Variants in FHL2 observed in about 807,000 individuals in gnomAD.
FHL2 encodes four and a half LIM domains protein 2.
A neutral mutation model predicts 32.7 loss-of-function variants in FHL2; 20 were observed. The ratio of observed to expected loss-of-function variants is 0.61; its 90% CI spans 0.43 to 0.89. The LOEUF is 0.89. Ranked by LOEUF, FHL2 falls within the 40% of genes least tolerant of loss-of-function variation. The probability of loss-of-function intolerance (pLI) is 0.00; values close to 1 mark genes in which losing one functional copy is unlikely to be tolerated. For synonymous variants in FHL2, 123 were observed against 128.1 expected (o/e 0.96, Z 0.27); for missense variants, 311 against 358.6 (o/e 0.87, Z 1.07).
rs529127430 is a variant in FHL2, at chr2:105,383,699, G to A, written c.156+2662C>T. On this transcript the variant is annotated intron_variant, in intron 3 of 6. Transcript: ENST00000530340. Reference sequence around the variant, plus strand: ...CAGTTCCTCTATCAGGTATCTCCCCGCCTGCCAGGATTGTGGGCTTTACTT... The same window carrying A: ...CAGTTCCTCTATCAGGTATCTCCCCACCTGCCAGGATTGTGGGCTTTACTT... Among the ~76,000 whole-genome samples, 4 of 152,234 alleles carry A rather than the reference G, an allele frequency of 2.6e-5. No individual in the cohort carries two copies. The South Asian group carries it at 6.2e-4, about 24-fold the overall frequency.
In FHL2 at chr2:105,419,854, C is replaced by A. The variant is rs149520272; in HGVS notation, c.-25+18545G>T. ...CACTTTTGCCAGTGTAATTAACAGACCCCAGCTAAGGAACAGAAGAAGGTT... is the reference window on the plus strand; with the variant it reads ...CACTTTTGCCAGTGTAATTAACAGAACCCAGCTAAGGAACAGAAGAAGGTT... On this transcript the variant is annotated intron_variant, in intron 1 of 5. Coordinates refer to the FHL2 transcript ENST00000393352. 9.7e-4 allele frequency among the ~76,000 whole-genome samples: 148 copies of A among 152,248 alleles called. 1 individual carries two copies. Among genetic ancestry groups the A allele is most frequent in the African/African-American group, 3.5e-3 (147 of 41,536 alleles).
intron 4 of FHL2, among the ~76,000 whole-genome samples, chr2:105,372,914 G>A (rs1466201176): frequency 1.3e-5 from 2 of 152,124 alleles, no homozygotes; most frequent in African/African-American, 4.8e-5. Context: ...TAAAATAAAA[G>A]ATTCTGCTCT....
At chr2:105,384,430 G>A (rs1682138474) in intron 3 of FHL2, among the ~76,000 whole-genome samples, 1 of 152,212 alleles carries the variant, frequency 6.6e-6, no homozygotes, top group African/African-American at 2.4e-5. Flanking sequence ...GCTGCTAGAA[G>A]AGTACGAGTG....
intron 1 of FHL2, among the ~76,000 whole-genome samples, chr2:105,397,188 G>C (rs995711180): frequency 1.3e-5 from 2 of 151,982 alleles, no homozygotes; most frequent in African/African-American, 2.4e-5. Flanking sequence ...TGTTCCTCCC[G>C]TGGTGCGTTT....
chr2:105,415,024 G>A (rs1195589222), intron 1 of FHL2, among the ~76,000 whole-genome samples: 5 of 152,184 alleles, frequency 3.3e-5, no homozygotes, highest in African/African-American at 9.7e-5. Context: ...GATCCTTAAA[G>A]TTATATTAGT....
intron 2 of FHL2, among the ~76,000 whole-genome samples, chr2:105,387,366 G>A (rs1682401273): frequency 6.6e-6 from 1 of 152,180 alleles, no homozygotes; most frequent in African/African-American, 2.4e-5. Flanking sequence ...GATGCAATGA[G>A]GGCACTAATA....
chr2:105,365,562 G>C (rs1006922557), intron 5 of FHL2, among the ~76,000 whole-genome samples: 1 of 151,962 alleles, frequency 6.6e-6, no homozygotes, highest in Non-Finnish European at 1.5e-5. Flanking sequence ...GGAGAGAACA[G>C]GGAAGAGGGT....
At chr2:105,362,864 G>C (rs897103876) in intron 6 of FHL2, among the ~76,000 whole-genome samples, 2 of 152,194 alleles carry the variant, frequency 1.3e-5, no homozygotes, top group African/African-American at 4.8e-5. Flanking sequence ...CTATGGCCTT[G>C]TGGTAGAAGT....
chr2:105,419,904 C>T (rs1165020016), intron 1 of FHL2, among the ~76,000 whole-genome samples: 1 of 152,170 alleles, frequency 6.6e-6, no homozygotes, highest in Non-Finnish European at 1.5e-5. Context: ...TTTTCCTCCC[C>T]TATACTACAT....
At chr2:105,396,300 A>G (rs1683126271) in intron 2 of FHL2, among the ~76,000 whole-genome samples, 1 of 152,178 alleles carries the variant, frequency 6.6e-6, no homozygotes, top group Non-Finnish European at 1.5e-5. Flanking sequence ...CTATAGACCC[A>G]AGAAGAGCCG....
intron 2 of FHL2, among the ~76,000 whole-genome samples, chr2:105,391,245 C>T (rs1054288425): frequency 2.0e-5 from 3 of 152,086 alleles, no homozygotes; most frequent in African/African-American, 7.2e-5. Flanking sequence ...GAATAAAATG[C>T]AGGCCCCTCC....
chr2:105,436,254 C>T (rs1274419534), intron 1 of FHL2, among the ~76,000 whole-genome samples: 1 of 151,988 alleles, frequency 6.6e-6, no homozygotes, highest in Non-Finnish European at 1.5e-5. Flanking sequence ...CAGATCAAGG[C>T]GCAAGGTGGT....
chr2:105,432,785 A>T (rs1032714393), intron 1 of FHL2, among the ~76,000 whole-genome samples: 1 of 152,250 alleles, frequency 6.6e-6, no homozygotes, highest in African/African-American at 2.4e-5. Context: ...CTCCTTAAGC[A>T]TACATTATCA....
chr2:105,407,828 T>TA (rs1442729116), intron 1 of FHL2, among the ~76,000 whole-genome samples: 1 of 152,124 alleles, frequency 6.6e-6, no homozygotes, highest in Non-Finnish European at 1.5e-5. Context: ...GCCTAGGCCT[T>TA]AATCGCAGAG....
At chr2:105,384,618 G>C (rs1247508027) in intron 3 of FHL2, among the ~76,000 whole-genome samples, 3 of 152,038 alleles carry the variant, frequency 2.0e-5, no homozygotes, top group Admixed American at 1.3e-4. Context: ...AGTGATTCTC[G>C]TGCCTCAGCC....
At chr2:105,379,455 TA>T (rs1681722705) in intron 3 of FHL2, among the ~76,000 whole-genome samples, 1 of 152,232 alleles carries the variant, frequency 6.6e-6, no homozygotes, top group Non-Finnish European at 1.5e-5. Flanking sequence ...TTTTTCATTT[TA>T]AATCTAAAAT....
At chr2:105,374,984 GA>G in intron 3 of FHL2, among the ~76,000 whole-genome samples, 1 of 152,304 alleles carries the variant, frequency 6.6e-6, no homozygotes. Context: ...GCCTGCCCAC[GA>G]TGTCTCTGTT....
chr2:105,380,813 G>GA (rs1326490987), intron 3 of FHL2, among the ~76,000 whole-genome samples: 1 of 152,088 alleles, frequency 6.6e-6, no homozygotes, highest in Admixed American at 6.5e-5. Flanking sequence ...ATACTTCCCA[G>GA]AAAAAAATAC....
intron 2 of FHL2, chr2:105,389,755 G>A (rs1048348964): frequency 5.3e-5 from 8 of 152,216 alleles, no homozygotes; most frequent in African/African-American, 1.9e-4. Context: ...CCCTGCTAGG[G>A]AAGGGAGACA....
Sources: allele counts gnomAD v4.1 joint callset (sites outside exome capture counted in the v4.1 genomes callset), GRCh38; gene constraint gnomAD v4.1.1; transcripts MANE v1.5; gene names NCBI Gene and HGNC (gene_info 2026-07-23, HGNC 2026-07-21).